The following GLT1D1 variants were observed in gnomAD, a reference collection of about 807,000 sequenced individuals.
GLT1D1 encodes the protein glycosyltransferase 1 domain containing 1.
A neutral mutation model predicts 28.7 loss-of-function variants in GLT1D1; 21 were observed. The observed-to-expected ratio is 0.73, with a 90% CI of 0.52 to 1.05. The LOEUF (loss-of-function observed/expected upper bound fraction) is 1.05, where lower values mean the gene tolerates loss of function less well. Among genes scored for constraint, GLT1D1 ranks in the 50% least tolerant of loss-of-function variants. The probability of loss-of-function intolerance (pLI) is 0.00; values close to 1 mark genes in which losing one functional copy is unlikely to be tolerated. For missense variants in GLT1D1, 343 were observed against 330.6 expected, an observed-to-expected ratio of 1.04 and a Z score of -0.29; for synonymous variants, 147 against 124.8, an observed-to-expected ratio of 1.18 and a Z score of -1.19.
intron 7 of GLT1D1, among the ~76,000 whole-genome samples, chr12:128,976,719 C>T (rs1193492178): frequency 1.3e-5 from 2 of 152,226 alleles, no homozygotes; most frequent in African/African-American, 2.4e-5. Flanking sequence ...CGTTTTAAAT[C>T]TGCCAGCCCC....
At chr12:128,980,603 C>T (rs1880223382) in intron 7 of GLT1D1, among the ~76,000 whole-genome samples, 1 of 152,194 alleles carries the variant, frequency 6.6e-6, no homozygotes, top group Non-Finnish European at 1.5e-5. Flanking sequence ...TGTTCCGAGA[C>T]GGCCTCACTC....
At chr12:128,878,562 T>C (rs1483613910) in intron 2 of GLT1D1, among the ~76,000 whole-genome samples, 3 of 152,198 alleles carry the variant, frequency 2.0e-5, no homozygotes, top group Non-Finnish European at 2.9e-5. Context: ...GAAAGTATTA[T>C]TTCTAGAGAG....
chr12:128,944,672 T>C, intron 4 of GLT1D1: 1 of 718,254 alleles, frequency 1.4e-6, no homozygotes, highest in South Asian at 1.4e-5. Context: ...GGAAGTGTCC[T>C]TGGAAAACTA....
intron 1 of GLT1D1, among the ~76,000 whole-genome samples, chr12:128,854,357 GA>G (rs1956155718): frequency 6.6e-6 from 1 of 151,876 alleles, no homozygotes; most frequent in African/African-American, 2.4e-5. Context: ...CGAAGCCTGG[GA>G]AGTGCCAGGA....
At chr12:128,886,901 G>A (rs1042346809) in intron 2 of GLT1D1, among the ~76,000 whole-genome samples, 1 of 152,040 alleles carries the variant, frequency 6.6e-6, no homozygotes, top group Admixed American at 6.5e-5. Context: ...TCTACTGGGC[G>A]GGCGTTTCTA....
intron 5 of GLT1D1, among the ~76,000 whole-genome samples, chr12:128,947,121 C>T (rs1876208082): frequency 6.6e-6 from 1 of 152,154 alleles, no homozygotes; most frequent in South Asian, 2.1e-4. Flanking sequence ...ATATGGAAAA[C>T]AAAAGCAGAC....
intron 7 of GLT1D1, among the ~76,000 whole-genome samples, chr12:128,960,364 A>T (rs1248794654): frequency 6.6e-6 from 1 of 152,232 alleles, no homozygotes; most frequent in Admixed American, 6.5e-5. Context: ...AAACAACAAC[A>T]TGCATTTTAA....
At chr12:128,854,394 CGTGT>C (rs56655033) in intron 1 of GLT1D1, among the ~76,000 whole-genome samples, 23,175 of 143,706 alleles carry the variant, frequency 0.16, 1,787 homozygotes, top group East Asian at 0.19. Flanking sequence ...TAACAGAAGC[CGTGT>C]GTGTGTGTGT....
At chr12:128,962,095 G>T (rs545782645) in intron 7 of GLT1D1, among the ~76,000 whole-genome samples, 10 of 149,442 alleles carry the variant, frequency 6.7e-5, no homozygotes, top group Admixed American at 6.7e-4. Flanking sequence ...TCCACCTCCC[G>T]CCACTTGTGT....
intron 7 of GLT1D1, among the ~76,000 whole-genome samples, chr12:128,964,229 A>G (rs1264789643): frequency 1.3e-5 from 2 of 152,178 alleles, no homozygotes; most frequent in Non-Finnish European, 2.9e-5. Flanking sequence ...AAAAAAAGTA[A>G]AATATTATCT....
At chr12:128,970,957 C>G (rs1342338001) in intron 7 of GLT1D1, among the ~76,000 whole-genome samples, 1 of 152,198 alleles carries the variant, frequency 6.6e-6, no homozygotes. Flanking sequence ...GATGATTATG[C>G]CCCGGCGTAC....
chr12:128,885,373 C>T (rs1177178779), intron 2 of GLT1D1, among the ~76,000 whole-genome samples: 1 of 152,116 alleles, frequency 6.6e-6, no homozygotes, highest in Non-Finnish European at 1.5e-5. Flanking sequence ...AAGGCATGTG[C>T]TACCACACCC....
chr12:128,921,616 A>G (rs1872661621), intron 4 of GLT1D1, among the ~76,000 whole-genome samples: 1 of 151,788 alleles, frequency 6.6e-6, no homozygotes, highest in Non-Finnish European at 1.5e-5. Flanking sequence ...TATCTTATGG[A>G]TTATTCTCTT....
At chr12:128,930,866 C>G (rs929659412) in intron 4 of GLT1D1, among the ~76,000 whole-genome samples, 5 of 152,150 alleles carry the variant, frequency 3.3e-5, no homozygotes, top group African/African-American at 1.2e-4. Context: ...GGAGCAGGTG[C>G]CATTTGTTTC....
chr12:128,926,327 C>T (rs1220497638), intron 4 of GLT1D1, 32 bp from the exon 7 acceptor site: 1 of 1,153,680 alleles, frequency 8.7e-7, no homozygotes, highest in Non-Finnish European at 1.2e-6. Flanking sequence ...GAGCCCTCCC[C>T]ACTGAAAACA....
intron 2 of GLT1D1, among the ~76,000 whole-genome samples, chr12:128,886,008 G>C (rs759365858): frequency 9.2e-5 from 14 of 152,104 alleles, no homozygotes; most frequent in Non-Finnish European, 2.1e-4. Flanking sequence ...ATGGAGGTGG[G>C]CCTTTCCTGT....
intron 1 of GLT1D1, among the ~76,000 whole-genome samples, chr12:128,855,558 T>C (rs1956196808): frequency 1.3e-5 from 2 of 152,026 alleles, no homozygotes; most frequent in East Asian, 3.9e-4. Flanking sequence ...AGATCAAAAC[T>C]CTAAAAAATA....
chr12:128,936,255 C>T (rs560075871), intron 4 of GLT1D1, among the ~76,000 whole-genome samples: 13 of 151,008 alleles, frequency 8.6e-5, no homozygotes, highest in African/African-American at 2.4e-4. Flanking sequence ...CCCGGGTTCA[C>T]GCCATTCTCC....
chr12:128,968,490 C>A (rs550151081), intron 7 of GLT1D1, among the ~76,000 whole-genome samples: 4 of 147,312 alleles, frequency 2.7e-5, no homozygotes, highest in African/African-American at 9.7e-5. Context: ...GGCCAAACCC[C>A]ATCTCTACTA....
Sources: allele counts gnomAD v4.1 joint callset (sites outside exome capture counted in the v4.1 genomes callset), GRCh38; gene constraint gnomAD v4.1.1; transcripts MANE v1.5; gene names NCBI Gene and HGNC (gene_info 2026-07-23, HGNC 2026-07-21).